Variants in GALNT14 observed in about 807,000 individuals in gnomAD.
The protein encoded by GALNT14 is UDP-GalNAc:polypeptide N-acetylgalactosaminyltransferase 14.
A neutral mutation model predicts 77.5 loss-of-function variants in GALNT14; 60 were observed. That is an observed-to-expected ratio of 0.77 (90% CI 0.63 to 0.96). The LOEUF (loss-of-function observed/expected upper bound fraction) is 0.96. GALNT14 is among the 40% of genes least tolerant of loss of function. GALNT14 has a pLI of 0.00. For synonymous variants in GALNT14, 280 were observed against 281.7 expected (o/e 0.99, Z 0.06); for missense variants, 710 against 731.0 (o/e 0.97, Z 0.33).
intron 2 of GALNT14, among the ~76,000 whole-genome samples, chr2:30,992,550 T>G (rs1300287515): frequency 6.6e-6 from 1 of 152,070 alleles, no homozygotes; most frequent in African/African-American, 2.4e-5. Context: ...GCTCTATGGG[T>G]TCGTGTCAAA....
At chr2:31,040,943 T>C (rs939199304) in intron 1 of GALNT14, among the ~76,000 whole-genome samples, 5 of 152,202 alleles carry the variant, frequency 3.3e-5, no homozygotes, top group Admixed American at 2.6e-4. Context: ...CTGCTGTGTA[T>C]GCAACATCAG....
At chr2:30,971,709 CCT>C (rs1446888147) in intron 2 of GALNT14, among the ~76,000 whole-genome samples, 1 of 152,016 alleles carries the variant, frequency 6.6e-6, no homozygotes, top group Admixed American at 6.6e-5. Context: ...AGGAGTGGCC[CCT>C]CTTTCCTCTG....
chr2:30,929,982 G>T (rs12328350), intron 10 of GALNT14, among the ~76,000 whole-genome samples: 39,469 of 152,100 alleles, frequency 0.26, 5,532 homozygotes, highest in East Asian at 0.47. Flanking sequence ...TGTGGAATTT[G>T]CCACCTGTGG....
At chr2:31,133,000 C>T (rs555603225) in intron 1 of GALNT14, among the ~76,000 whole-genome samples, 1 of 152,114 alleles carries the variant, frequency 6.6e-6, no homozygotes, top group African/African-American at 2.4e-5. Flanking sequence ...TTGTGGCCCC[C>T]ACCCAGGAAC....
intron 1 of GALNT14, among the ~76,000 whole-genome samples, chr2:31,020,633 C>T (rs968533445): frequency 6.6e-6 from 1 of 152,228 alleles, no homozygotes; most frequent in African/African-American, 2.4e-5. Flanking sequence ...ATGGCCTCCC[C>T]AAGCCCAGTC....
intron 10 of GALNT14, 128 bp downstream of exon 10, chr2:30,931,940 C>T: frequency 3.1e-6 from 3 of 953,388 alleles, no homozygotes; most frequent in Non-Finnish European, 4.3e-6. Context: ...CGAGGTGCAG[C>T]CCCGGCCAGT....
Position 30,992,993 on chromosome 2 carries a change from G to A in GALNT14, c.144C>T (p.Asp48=), listed in dbSNP as rs781294705. 3 of 1,614,010 alleles carry A rather than the reference G, an allele frequency of 1.9e-6. No individual in the cohort carries two copies. In the African/African-American group the frequency reaches 4.0e-5, roughly 22 times the overall value. ...EVQTPKPSDA[D]WDDLWDQFDE... is the part of the protein sequence containing the mutation. Reference sequence around the variant, plus strand: ...CAAACTGGTCCCACAGGTCGTCCCAGTCAGCGTCCGAAGGCTGCGTGACAC... The same window carrying A: ...CAAACTGGTCCCACAGGTCGTCCCAATCAGCGTCCGAAGGCTGCGTGACAC... The change falls in exon 2 of 15, where the codon GAC becomes GAT. Residue 48 remains aspartate, a synonymous_variant. Coordinates refer to ENST00000349752, the MANE Select transcript of GALNT14 (RefSeq NM_024572.4).
At chr2:31,046,631 T>C (rs1558522746) in intron 1 of GALNT14, among the ~76,000 whole-genome samples, 1 of 152,064 alleles carries the variant, frequency 6.6e-6, no homozygotes, top group African/African-American at 2.4e-5. Context: ...TGGAAACTTA[T>C]GAATGTAGTA....
At chr2:30,950,803 C>T (rs1215118151) in intron 6 of GALNT14, among the ~76,000 whole-genome samples, 1 of 152,220 alleles carries the variant, frequency 6.6e-6, no homozygotes, top group Non-Finnish European at 1.5e-5. Flanking sequence ...GCAGACATTG[C>T]TCACATTCGG....
At chr2:31,133,087 T>C (rs1488567909) in intron 1 of GALNT14, among the ~76,000 whole-genome samples, 1 of 151,950 alleles carries the variant, frequency 6.6e-6, no homozygotes, top group Non-Finnish European at 1.5e-5. Context: ...TCCCACTCCC[T>C]GGCCCCCTAC....
At chr2:30,969,778 C>T (rs1668235096) in intron 2 of GALNT14, among the ~76,000 whole-genome samples, 1 of 152,170 alleles carries the variant, frequency 6.6e-6, no homozygotes, top group Admixed American at 6.5e-5. Context: ...AGCCAATCAC[C>T]CACCTCTCCA....
the GALNT14 span, among the ~76,000 whole-genome samples, chr2:30,892,529 T>A: frequency 6.6e-6 from 1 of 152,214 alleles, no homozygotes; most frequent in African/African-American, 2.4e-5. Flanking sequence ...TTTCTCAGTG[T>A]CTCAGGAGAA....
chr2:31,093,540 C>T (rs896653503), intron 1 of GALNT14, among the ~76,000 whole-genome samples: 1 of 152,164 alleles, frequency 6.6e-6, no homozygotes, highest in African/African-American at 2.4e-5. Context: ...GTCTGGGGAG[C>T]CTGGGACTAA....
At chr2:30,888,800 A>G in the GALNT14 span, among the ~76,000 whole-genome samples, 2 of 152,180 alleles carry the variant, frequency 1.3e-5, no homozygotes, top group Non-Finnish European at 1.5e-5. Flanking sequence ...GATGTCTCCC[A>G]GGTTAGCTAA....
the GALNT14 span, among the ~76,000 whole-genome samples, chr2:30,891,256 G>A: frequency 5.9e-5 from 9 of 152,194 alleles, no homozygotes; most frequent in African/African-American, 2.2e-4. Context: ...CTGAGATTCT[G>A]AGATTCAGAT....
chr2:31,083,860 T>C (rs570887941), intron 1 of GALNT14, among the ~76,000 whole-genome samples: 2 of 152,272 alleles, frequency 1.3e-5, no homozygotes, highest in African/African-American at 4.8e-5. Flanking sequence ...CTACTCCCGC[T>C]CATGCTGCTG....
At chr2:31,074,726 G>C (rs1386627785) in intron 1 of GALNT14, among the ~76,000 whole-genome samples, 1 of 152,126 alleles carries the variant, frequency 6.6e-6, no homozygotes, top group Non-Finnish European at 1.5e-5. Context: ...AGCCCTCTTG[G>C]AACCCAGACT....
intron 1 of GALNT14, among the ~76,000 whole-genome samples, chr2:31,082,753 C>T (rs566579043): frequency 6.6e-6 from 1 of 152,278 alleles, no homozygotes; most frequent in Admixed American, 6.5e-5. Flanking sequence ...GGCACGGTGG[C>T]TCACACCTAT....
At chr2:30,925,794 A>G (rs1572976853) in intron 11 of GALNT14, among the ~76,000 whole-genome samples, 1 of 152,178 alleles carries the variant, frequency 6.6e-6, no homozygotes, top group African/African-American at 2.4e-5. Context: ...TAAGCAGGGC[A>G]AGAGGTGGTT....
Sources: allele counts gnomAD v4.1 joint callset (sites outside exome capture counted in the v4.1 genomes callset), GRCh38; gene constraint gnomAD v4.1.1; transcripts MANE v1.5; gene names NCBI Gene and HGNC (gene_info 2026-07-23, HGNC 2026-07-21).